Variants in MTA3 observed in about 807,000 individuals in gnomAD.
MTA3 encodes the protein metastasis-associated protein MTA3.
Under a neutral mutation model 83.5 loss-of-function variants are expected in MTA3, and 34 were observed. The ratio of observed to expected loss-of-function variants is 0.41; its 90% confidence interval spans 0.31 to 0.54. The LOEUF is 0.54. Among genes scored for constraint, MTA3 ranks in the 20% least tolerant of loss-of-function variants. The pLI, the probability that MTA3 is intolerant of heterozygous loss-of-function variation, is 0.33. For synonymous variants in MTA3, 303 were observed against 252.7 expected (o/e 1.20, Z -1.89); for missense variants, 761 against 726.4 (o/e 1.05, Z -0.55).
rs114020894 is a variant in MTA3, at chr2:42,750,482, G to A, written c.1760-2892G>A. Among the ~76,000 whole-genome samples the A allele has an allele frequency of 2.8e-3, 425 of 152,014 alleles. 2 individuals are homozygous for A. The highest frequency in any genetic ancestry group is 9.7e-3 in the African/African-American group (400 of 41,438). On this transcript the variant is annotated intron_variant, in intron 16 of 16. Transcript: ENST00000405094. ...GACTAAAAATCAGAGTGAAAGCTCT[G>A]TGCTTGTTCTTGGCAGAACCTGTAG... is the stretch of plus-strand genomic sequence containing the variant.
At chr2:42,547,633 A>G (rs1676818113) in intron 2 of MTA3, among the ~76,000 whole-genome samples, 1 of 152,176 alleles carries the variant, frequency 6.6e-6, no homozygotes, top group Non-Finnish European at 1.5e-5. Context: ...GCCTGGAGGC[A>G]TTTGTCTTAT....
intron 2 of MTA3, among the ~76,000 whole-genome samples, chr2:42,524,485 T>TG (rs1675585985): frequency 8.1e-6 from 1 of 123,764 alleles, no homozygotes; most frequent in Non-Finnish European, 1.9e-5. Context: ...TTTTTTTTTT[T>TG]TTTTTTTTTT....
chr2:42,605,750 GC>G (rs1222502316), intron 3 of MTA3, among the ~76,000 whole-genome samples: 1 of 127,460 alleles, frequency 7.8e-6, no homozygotes, highest in Non-Finnish European at 1.7e-5. Flanking sequence ...GGGGCGGCTG[GC>G]CGGGCAGAGG....
chr2:42,582,392 A>T (rs1222093923), intron 3 of MTA3, among the ~76,000 whole-genome samples: 1 of 152,196 alleles, frequency 6.6e-6, no homozygotes, highest in African/African-American at 2.4e-5. Context: ...TTATGTTGTA[A>T]ATGGTGAATA....
intron 4 of MTA3, among the ~76,000 whole-genome samples, chr2:42,612,713 T>G (rs2104111931): frequency 6.6e-6 from 1 of 152,034 alleles, no homozygotes; most frequent in South Asian, 2.1e-4. Flanking sequence ...ACACAAAAAT[T>G]AGCTGAGCAT....
chr2:42,717,648 CTGTT>C (rs574695535), intron 14 of MTA3, among the ~76,000 whole-genome samples: 105 of 152,316 alleles, frequency 6.9e-4, no homozygotes, highest in African/African-American at 2.3e-3. Flanking sequence ...ATGAAATACT[CTGTT>C]TGCACACAGG....
chr2:42,657,299 C>A (rs1317571402), intron 7 of MTA3, among the ~76,000 whole-genome samples: 5 of 152,126 alleles, frequency 3.3e-5, no homozygotes, highest in African/African-American at 4.8e-5. Context: ...AGCCAGTCAC[C>A]ATGGACGATC....
At chr2:42,617,085 T>C (rs184599267) in intron 4 of MTA3, among the ~76,000 whole-genome samples, 1 of 152,276 alleles carries the variant, frequency 6.6e-6, no homozygotes, top group East Asian at 1.9e-4. Context: ...TAAGAGCAAT[T>C]TGCAGCAACC....
intron 8 of MTA3, among the ~76,000 whole-genome samples, chr2:42,661,545 T>C (rs1689718665): frequency 6.8e-6 from 1 of 146,074 alleles, no homozygotes; most frequent in Admixed American, 6.9e-5. Context: ...GATATTTATG[T>C]GAACCAGAAC....
At chr2:42,597,938 T>C (rs1044537189) in intron 3 of MTA3, among the ~76,000 whole-genome samples, 2 of 152,160 alleles carry the variant, frequency 1.3e-5, no homozygotes, top group African/African-American at 4.8e-5. Context: ...CACTTTAGCC[T>C]CCCAAAGTGT....
chr2:42,715,092 A>G (rs1188968094), intron 14 of MTA3, among the ~76,000 whole-genome samples: 6 of 152,210 alleles, frequency 3.9e-5, no homozygotes, highest in Non-Finnish European at 7.3e-5. Context: ...GGGATTTCTC[A>G]GATTGCTTTC....
chr2:42,755,699 A>G lies in MTA3; in HGVS notation c.*2300A>G. 2 of 985,508 alleles carry G rather than the reference A, an allele frequency of 2.0e-6. No homozygotes were observed. The highest frequency in any genetic ancestry group is 2.4e-6 in the Non-Finnish European group (2 of 830,022). The allele number at this position is 985,508 out of a possible 1,614,324, so 61.0% of individuals were successfully genotyped here. On this transcript the variant is annotated 3_prime_UTR_variant, in exon 17 of 17. Coordinates refer to ENST00000405094, the MANE Select transcript of MTA3 (RefSeq NM_001330442.2). ...TTGCCGTTGGAAGCATTTGGTGCTG[A>G]GAGGGTTTCCCAGCCACCCGCTCCC...
Position 42,544,695 on chromosome 2 carries a change from A to T in MTA3, c.-140-25742A>T, listed in dbSNP as rs182685925. Among the ~76,000 whole-genome samples, 645 of 151,936 alleles carry T rather than the reference A, an allele frequency of 4.2e-3. 3 individuals are homozygous for T. The highest frequency in any genetic ancestry group is 0.015 in the African/African-American group (604 of 41,450). ...AGCCACTTTGCCCAGCATTTTTTTA[A>T]AAAAAACAGTGATATTCCTTGCTAC... On this transcript the variant is annotated intron_variant, in intron 2 of 17. Transcript: ENST00000405592.
At chr2:42,681,017 G>A (rs1691845632) in intron 8 of MTA3, among the ~76,000 whole-genome samples, 1 of 152,146 alleles carries the variant, frequency 6.6e-6, no homozygotes, top group South Asian at 2.1e-4. Flanking sequence ...TGTGATTATA[G>A]GTGTGAGCCA....
At chr2:42,549,726 AT>A (rs1677030878) in intron 2 of MTA3, among the ~76,000 whole-genome samples, 1 of 135,164 alleles carries the variant, frequency 7.4e-6, no homozygotes, top group Non-Finnish European at 1.5e-5. Flanking sequence ...TAAATTATAT[AT>A]TATATATGTA....
At chr2:42,594,946 G>T (rs1262006857) in intron 3 of MTA3, among the ~76,000 whole-genome samples, 1 of 145,554 alleles carries the variant, frequency 6.9e-6, no homozygotes, top group Non-Finnish European at 1.5e-5. Context: ...GTAGAGATGG[G>T]GTTTCACCGT....
At chr2:42,514,145 A>G (rs1242087527) in intron 2 of MTA3, among the ~76,000 whole-genome samples, 1 of 152,114 alleles carries the variant, frequency 6.6e-6, no homozygotes, top group East Asian at 1.9e-4. Flanking sequence ...CCTGGGAGGC[A>G]GAAGTTGGAG....
chr2:42,663,298 A>G (rs568761523), intron 8 of MTA3, among the ~76,000 whole-genome samples: 3 of 152,308 alleles, frequency 2.0e-5, no homozygotes, highest in African/African-American at 4.8e-5. Context: ...CTCTTGGTTC[A>G]CAGCTGCAGC....
intron 15 of MTA3, among the ~76,000 whole-genome samples, chr2:42,721,056 C>T (rs1044247185): frequency 5.3e-5 from 8 of 151,602 alleles, no homozygotes; most frequent in African/African-American, 1.7e-4. Flanking sequence ...AAATTGGTCT[C>T]TATATCTACC....
Sources: allele counts gnomAD v4.1 joint callset (sites outside exome capture counted in the v4.1 genomes callset), GRCh38; gene constraint gnomAD v4.1.1; transcripts MANE v1.5; gene names NCBI Gene and HGNC (gene_info 2026-07-23, HGNC 2026-07-21).